Variants in SCHIP1 observed in about 807,000 individuals in gnomAD.
The protein encoded by SCHIP1 is schwannomin-interacting protein 1.
In SCHIP1, 8 loss-of-function variants were observed where a neutral mutation model predicts 29.7. The ratio of observed to expected loss-of-function variants is 0.27; its 90% CI spans 0.16 to 0.49. The LOEUF (loss-of-function observed/expected upper bound fraction) is 0.49, where lower values mean the gene tolerates loss of function less well. Ranked by LOEUF, SCHIP1 falls within the 20% of genes least tolerant of loss-of-function variation. The probability of loss-of-function intolerance (pLI) is 0.99; values close to 1 mark genes in which losing one functional copy is unlikely to be tolerated. For missense variants in SCHIP1, 193 were observed against 294.6 expected (o/e 0.66, Z 2.52); for synonymous variants, 76 against 94.9 (o/e 0.80, Z 1.16).
chr3:159,758,070 C>T, the SCHIP1 span, among the ~76,000 whole-genome samples: 1 of 152,282 alleles, frequency 6.6e-6, no homozygotes, highest in East Asian at 1.9e-4. Context: ...CTACAAACTT[C>T]CCCACCTTTT....
chr3:159,512,541 C>G, the SCHIP1 span, among the ~76,000 whole-genome samples: 16 of 152,248 alleles, frequency 1.1e-4, 1 homozygote, highest in African/African-American at 3.6e-4. Context: ...TTTAGTCATA[C>G]AGTGGAATTC....
At chr3:159,377,121 G>A in the SCHIP1 span, among the ~76,000 whole-genome samples, 1 of 152,160 alleles carries the variant, frequency 6.6e-6, no homozygotes, top group South Asian at 2.1e-4. Flanking sequence ...GGGGTTGGAG[G>A]TAGATTAACC....
the SCHIP1 span, among the ~76,000 whole-genome samples, chr3:159,454,134 G>C: frequency 6.6e-6 from 1 of 152,260 alleles, no homozygotes; most frequent in Non-Finnish European, 1.5e-5. Flanking sequence ...TCTCAGCATT[G>C]TCTGGACATT....
the SCHIP1 span, among the ~76,000 whole-genome samples, chr3:159,317,119 A>C: frequency 6.6e-6 from 1 of 152,224 alleles, no homozygotes; most frequent in African/African-American, 2.4e-5. Context: ...ATCACAGAGC[A>C]TGGTAATACT....
chr3:159,569,689 T>C, the SCHIP1 span, among the ~76,000 whole-genome samples: 3 of 152,202 alleles, frequency 2.0e-5, no homozygotes, highest in Non-Finnish European at 4.4e-5. Flanking sequence ...TACCCAATAA[T>C]TGGATTACTG....
chr3:159,473,127 T>A, the SCHIP1 span, among the ~76,000 whole-genome samples: 1 of 152,230 alleles, frequency 6.6e-6, no homozygotes, highest in Non-Finnish European at 1.5e-5. Context: ...AACAGTTGTA[T>A]GCAAAGCTAT....
chr3:159,599,264 A>G, the SCHIP1 span, among the ~76,000 whole-genome samples: 1 of 152,036 alleles, frequency 6.6e-6, no homozygotes, highest in African/African-American at 2.4e-5. Flanking sequence ...CTCACTTTAA[A>G]CTTTTATTTC....
At chr3:159,329,490 A>C in the SCHIP1 span, among the ~76,000 whole-genome samples, 2 of 152,170 alleles carry the variant, frequency 1.3e-5, no homozygotes, top group African/African-American at 4.8e-5. Flanking sequence ...CTCCTCTCCA[A>C]CAGGCTGCCC....
At chr3:159,283,575 G>C in the SCHIP1 span, among the ~76,000 whole-genome samples, 1 of 151,832 alleles carries the variant, frequency 6.6e-6, no homozygotes, top group African/African-American at 2.4e-5. Flanking sequence ...AATGGCGCGC[G>C]ATCTTGGCGT....
the SCHIP1 span, among the ~76,000 whole-genome samples, chr3:159,780,975 AGG>A: frequency 2.1e-4 from 32 of 152,366 alleles, no homozygotes; most frequent in African/African-American, 7.5e-4. Flanking sequence ...CAGCAGCTCC[AGG>A]AATCAGATCA....
the SCHIP1 span, among the ~76,000 whole-genome samples, chr3:159,305,763 T>G: frequency 6.6e-6 from 1 of 152,204 alleles, no homozygotes; most frequent in Non-Finnish European, 1.5e-5. Flanking sequence ...ATTCTTTGAT[T>G]TAGATAAGAA....
the SCHIP1 span, among the ~76,000 whole-genome samples, chr3:159,760,979 C>T: frequency 6.6e-6 from 1 of 152,160 alleles, no homozygotes; most frequent in Non-Finnish European, 1.5e-5. Flanking sequence ...TGTCACCCGA[C>T]CCAGTAAGGG....
the SCHIP1 span, among the ~76,000 whole-genome samples, chr3:159,356,773 T>C: frequency 2.0e-5 from 3 of 152,212 alleles, no homozygotes; most frequent in African/African-American, 7.2e-5. Context: ...TGTTTTCACT[T>C]TCTGTCTGAA....
chr3:159,626,031 A>G, the SCHIP1 span, among the ~76,000 whole-genome samples: 22 of 150,568 alleles, frequency 1.5e-4, no homozygotes, highest in Admixed American at 1.3e-4. Context: ...TCTATACTAA[A>G]CTTGTGGCAC....
chr3:159,742,383 A>G, the SCHIP1 span, among the ~76,000 whole-genome samples: 2 of 152,230 alleles, frequency 1.3e-5, no homozygotes, highest in Admixed American at 6.5e-5. Flanking sequence ...AATATTGTCC[A>G]TGAAGCAAGG....
chr3:159,842,998 T>C (rs1269484599), intron 1 of SCHIP1, among the ~76,000 whole-genome samples: 2 of 91,584 alleles, frequency 2.2e-5, no homozygotes, highest in African/African-American at 3.9e-5. Context: ...CCAATATTTC[T>C]TTCTTTTTTT....
chr3:159,549,369 A>G, the SCHIP1 span, among the ~76,000 whole-genome samples: 2 of 152,180 alleles, frequency 1.3e-5, no homozygotes, highest in Non-Finnish European at 2.9e-5. Context: ...GTCCCCCCAC[A>G]AAATTTATAT....
At chr3:159,537,550 C>G in the SCHIP1 span, among the ~76,000 whole-genome samples, 1 of 152,082 alleles carries the variant, frequency 6.6e-6, no homozygotes, top group South Asian at 2.1e-4. Flanking sequence ...TTTGCTATTC[C>G]TATACTAATC....
At chr3:159,844,881 A>G (rs780163466) in intron 1 of SCHIP1, among the ~76,000 whole-genome samples, 1 of 152,234 alleles carries the variant, frequency 6.6e-6, no homozygotes, top group Non-Finnish European at 1.5e-5. Context: ...TACTGTGGGA[A>G]TGGAGACTTG....
Sources: allele counts gnomAD v4.1 joint callset (sites outside exome capture counted in the v4.1 genomes callset), GRCh38; gene constraint gnomAD v4.1.1; transcripts MANE v1.5; gene names NCBI Gene and HGNC (gene_info 2026-07-23, HGNC 2026-07-21).